Variants in DAB1 observed in about 807,000 individuals in gnomAD.
The protein encoded by DAB1 is disabled homolog 1.
DAB1 carries 15 observed loss-of-function variants against 64.6 expected under a neutral mutation model. The ratio of observed to expected loss-of-function variants is 0.23; its 90% CI spans 0.16 to 0.36. The LOEUF (loss-of-function observed/expected upper bound fraction) is 0.36, where lower values mean the gene tolerates loss of function less well. Among genes scored for constraint, DAB1 ranks in the 10% least tolerant of loss-of-function variants. The pLI is 1.00. For synonymous variants in DAB1, 235 were observed against 251.9 expected (o/e 0.93, Z 0.64); for missense variants, 596 against 706.7 (o/e 0.84, Z 1.78).
chr1:57,620,462 CTGACTGGTAATTGAG>C (rs1645844060), intron 7 of DAB1, among the ~76,000 whole-genome samples: 1 of 152,182 alleles, frequency 6.6e-6, no homozygotes, highest in South Asian at 2.1e-4. Flanking sequence ...AAACAGATGA[CTGACTGGTAATTGAG>C]TGAACTTGAC....
At chr1:57,414,471 C>A (rs902104598) in intron 1 of DAB1, among the ~76,000 whole-genome samples, 1 of 152,150 alleles carries the variant, frequency 6.6e-6, no homozygotes, top group Admixed American at 6.5e-5. Flanking sequence ...TGCTATTGCA[C>A]CCTTAACAGA....
chr1:57,237,720 A>C (rs1273837141), intron 2 of DAB1, among the ~76,000 whole-genome samples: 1 of 152,220 alleles, frequency 6.6e-6, no homozygotes. Context: ...CTAGAAGAGA[A>C]AGTAAAGGCT....
chr1:57,000,904 C>A (rs948764055), intron 14 of DAB1, among the ~76,000 whole-genome samples: 1 of 152,218 alleles, frequency 6.6e-6, no homozygotes, highest in Non-Finnish European at 1.5e-5. Flanking sequence ...TAATGCCACA[C>A]TGCATTAAGT....
chr1:57,936,270 G>A (rs371452486), intron 5 of DAB1, among the ~76,000 whole-genome samples: 1 of 152,238 alleles, frequency 6.6e-6, no homozygotes, highest in South Asian at 2.1e-4. Flanking sequence ...ATTTAACTCA[G>A]GCTATTTACT....
At chr1:58,488,367 G>A (rs981351186) in intron 3 of DAB1, among the ~76,000 whole-genome samples, 1 of 152,108 alleles carries the variant, frequency 6.6e-6, no homozygotes, top group Non-Finnish European at 1.5e-5. Context: ...AACAGGCAGT[G>A]TTCAGTTACG....
At chr1:58,506,239 T>A (rs1027817660) in intron 2 of DAB1, 2 of 853,464 alleles carry the variant, frequency 2.3e-6, no homozygotes, top group Non-Finnish European at 4.1e-6. Context: ...AACCACACAA[T>A]GAGCTCAGTT....
chr1:57,903,128 C>A (rs1644500780), intron 5 of DAB1, among the ~76,000 whole-genome samples: 1 of 152,098 alleles, frequency 6.6e-6, no homozygotes, highest in Non-Finnish European at 1.5e-5. Flanking sequence ...AAAGACCCAC[C>A]CCCATGATTC....
intron 5 of DAB1, among the ~76,000 whole-genome samples, chr1:58,137,723 C>T (rs763044155): frequency 6.6e-6 from 1 of 152,348 alleles, no homozygotes; most frequent in Middle Eastern, 3.4e-3. Flanking sequence ...CTGCCTGTTA[C>T]AGCAGCATGT....
intron 5 of DAB1, among the ~76,000 whole-genome samples, chr1:58,005,666 A>T (rs1646572055): frequency 6.6e-6 from 1 of 151,926 alleles, no homozygotes; most frequent in Non-Finnish European, 1.5e-5. Context: ...AGAATACTGA[A>T]CAAGACATAA....
At chr1:58,498,177 A>G (rs766947984) in intron 3 of DAB1, among the ~76,000 whole-genome samples, 27 of 152,172 alleles carry the variant, frequency 1.8e-4, no homozygotes, top group South Asian at 2.1e-4. Context: ...TCATTAAGCT[A>G]TTCAAATTAT....
intron 1 of DAB1, among the ~76,000 whole-genome samples, chr1:57,306,513 CTTTTT>C (rs1166241090): frequency 1.7e-5 from 2 of 114,342 alleles, no homozygotes; most frequent in Non-Finnish European, 3.6e-5. Flanking sequence ...TTAGAACAGG[CTTTTT>C]TTTTTTTTTT....
At chr1:58,348,701 T>C (rs1262249831) in intron 3 of DAB1, among the ~76,000 whole-genome samples, 1 of 152,198 alleles carries the variant, frequency 6.6e-6, no homozygotes, top group Admixed American at 6.5e-5. Flanking sequence ...AATTATGTGA[T>C]TTTATACTGA....
chr1:57,475,216 G>A (rs1034987074), intron 7 of DAB1, among the ~76,000 whole-genome samples: 4 of 152,230 alleles, frequency 2.6e-5, no homozygotes, highest in African/African-American at 9.6e-5. Flanking sequence ...GGTGGAGGTT[G>A]CAGTGAGCTG....
intron 4 of DAB1, among the ~76,000 whole-genome samples, chr1:58,316,098 T>A (rs531830902): frequency 6.6e-6 from 1 of 152,196 alleles, no homozygotes; most frequent in Non-Finnish European, 1.5e-5. Context: ...AAATGCCTTA[T>A]CTCTAACATG....
intron 7 of DAB1, among the ~76,000 whole-genome samples, chr1:57,486,970 GA>G (rs938375071): frequency 2.7e-5 from 4 of 146,936 alleles, no homozygotes; most frequent in African/African-American, 5.0e-5. Flanking sequence ...AAAAAAAAAA[GA>G]AAAAAAAACA....
At chr1:58,135,572 G>A (rs1479264339) in intron 5 of DAB1, among the ~76,000 whole-genome samples, 2 of 152,206 alleles carry the variant, frequency 1.3e-5, no homozygotes, top group South Asian at 2.1e-4. Context: ...ATTTAGGGGT[G>A]CATGTGTAAG....
intron 7 of DAB1, 145 bp downstream of exon 7, chr1:57,070,878 G>A (rs1325427658): frequency 1.4e-6 from 1 of 728,058 alleles, no homozygotes; most frequent in Non-Finnish European, 2.4e-6. Flanking sequence ...GCTCCTGGAG[G>A]GGCTGGCAGC....
intron 7 of DAB1, among the ~76,000 whole-genome samples, chr1:57,437,430 T>C (rs145165099): frequency 1.2e-4 from 18 of 152,338 alleles, no homozygotes; most frequent in Non-Finnish European, 1.3e-4. Context: ...AAAAAGAATG[T>C]AATTGCTCAT....
At chr1:58,102,551 A>G (rs1651385682) in intron 5 of DAB1, among the ~76,000 whole-genome samples, 1 of 152,230 alleles carries the variant, frequency 6.6e-6, no homozygotes, top group Non-Finnish European at 1.5e-5. Context: ...TCAAGATCTT[A>G]GATGATAGCA....
Sources: gnomAD v4.1 joint callset for allele counts (sites outside exome capture counted in the v4.1 genomes callset) on GRCh38, gnomAD v4.1.1 for gene constraint, MANE v1.5 for transcripts, NCBI Gene and HGNC (gene_info 2026-07-23, HGNC 2026-07-21) for gene names.